Variants in LMO7 observed in about 807,000 individuals in gnomAD.
LMO7 encodes LIM domain only protein 7.
In LMO7, 120 loss-of-function variants were observed where a neutral mutation model predicts 206.5. The ratio of observed to expected loss-of-function variants is 0.58; its 90% confidence interval spans 0.50 to 0.68. LMO7 has a LOEUF of 0.68. Ranked by LOEUF, LMO7 falls within the 30% of genes least tolerant of loss-of-function variation. LMO7 has a pLI of 0.00. For missense variants in LMO7, 1,959 were observed against 1,957.9 expected (o/e 1.00, Z -0.01); for synonymous variants, 706 against 681.5 (o/e 1.04, Z -0.56).
intron 4 of LMO7, among the ~76,000 whole-genome samples, chr13:75,782,511 A>G (rs573062335): frequency 2.4e-4 from 37 of 152,354 alleles, no homozygotes; most frequent in Admixed American, 1.2e-3. Flanking sequence ...GTGTAGGGCA[A>G]TGCTGTATAG....
Position 75,636,536 on chromosome 13 carries a change from G to C in LMO7, c.-122G>C, listed in dbSNP as rs2138934301. ...CTAGAGCCCCGGCGCCTTCGCAGCC[G>C]GAGCGGAAGCCGGAGTTGTGGGAGG... is the stretch of plus-strand genomic sequence containing the variant. On this transcript the variant is annotated 5_prime_UTR_variant, in exon 1 of 31. Coordinates refer to ENST00000377534, the MANE Select transcript of LMO7 (RefSeq NM_001306080.2). 1 of 1,520,688 alleles carries C rather than the reference G, an allele frequency of 6.6e-7. No homozygotes were observed. The highest frequency in any genetic ancestry group is 8.8e-7 in the Non-Finnish European group (1 of 1,141,402). 94.2% of individuals were successfully genotyped at this position (1,520,688 alleles called of 1,614,324 possible).
At chr13:75,784,576 C>T (rs567934000) in intron 4 of LMO7, among the ~76,000 whole-genome samples, 1 of 152,244 alleles carries the variant, frequency 6.6e-6, no homozygotes, top group East Asian at 1.9e-4. Context: ...TATCACACAG[C>T]ACATTTAATA....
intron 1 of LMO7, among the ~76,000 whole-genome samples, chr13:75,678,359 T>C (rs2040202850): frequency 6.6e-6 from 1 of 152,228 alleles, no homozygotes; most frequent in Non-Finnish European, 1.5e-5. Context: ...CGGTATCTCA[T>C]TGTGGTTTTG....
upstream of LMO7, chr13:75,631,611 G>C (rs1353829904): frequency 6.6e-6 from 1 of 152,316 alleles, no homozygotes; most frequent in Non-Finnish European, 1.5e-5. Context: ...AGGGTCTACT[G>C]TAAAGGCCTA....
At chr13:75,649,344 G>T (rs1270975961) in intron 1 of LMO7, among the ~76,000 whole-genome samples, 3 of 152,178 alleles carry the variant, frequency 2.0e-5, no homozygotes, top group African/African-American at 7.2e-5. Flanking sequence ...GAAAGGGGCG[G>T]TGATGGTCAA....
intron 29 of LMO7, among the ~76,000 whole-genome samples, chr13:75,856,111 A>G (rs1194540500): frequency 6.6e-6 from 1 of 152,210 alleles, no homozygotes; most frequent in Non-Finnish European, 1.5e-5. Flanking sequence ...CTAGTGCAGC[A>G]GGGACACTGG....
chr13:75,837,811 C>T (rs886348372), intron 19 of LMO7, among the ~76,000 whole-genome samples: 3 of 152,056 alleles, frequency 2.0e-5, no homozygotes, highest in Non-Finnish European at 4.4e-5. Context: ...TTAACCTAAG[C>T]AAAAAATATT....
At chr13:75,723,205 C>A (rs2044170308) in intron 2 of LMO7, among the ~76,000 whole-genome samples, 1 of 133,374 alleles carries the variant, frequency 7.5e-6, no homozygotes, top group Non-Finnish European at 1.6e-5. Context: ...AAAAAAAACC[C>A]AAAATCATCA....
At chr13:75,654,637 T>G (rs1318920531) in intron 1 of LMO7, among the ~76,000 whole-genome samples, 1 of 152,160 alleles carries the variant, frequency 6.6e-6, no homozygotes, top group East Asian at 1.9e-4. Flanking sequence ...TCTCTTTCCC[T>G]GTGGCCTGTC....
At chr13:75,641,823 T>A (rs1594003348) in intron 1 of LMO7, among the ~76,000 whole-genome samples, 1 of 151,852 alleles carries the variant, frequency 6.6e-6, no homozygotes, top group Middle Eastern at 3.4e-3. Context: ...ACTTTTGTAT[T>A]TCTTTTTTTT....
chr13:75,669,377 C>A (rs1008551446), intron 1 of LMO7, among the ~76,000 whole-genome samples: 1 of 152,050 alleles, frequency 6.6e-6, no homozygotes, highest in Non-Finnish European at 1.5e-5. Context: ...GTGACCCCCC[C>A]GCCGCCCCGC....
rs181195189 is a variant in LMO7 at position 75,833,031 on chromosome 13, G to A, written c.2950-20G>A. 30 of 1,424,256 alleles carry A rather than the reference G, an allele frequency of 2.1e-5. No individual in the cohort carries two copies. The East Asian group carries it at 3.0e-4, about 14-fold the overall frequency. The allele number at this position is 1,424,256 out of a possible 1,614,324, so 88.2% of individuals were successfully genotyped here. On this transcript the variant is annotated intron_variant, in intron 15 of 30. Coordinates refer to ENST00000377534, the MANE Select transcript of LMO7 (RefSeq NM_001306080.2). ...GGTGCCAGGGACACCGGATACCAGC[G>A]TTTCATGTTTTGTTTTCAGGATCAG...
At chr13:75,790,130 G>A (rs922832620) in intron 4 of LMO7, among the ~76,000 whole-genome samples, 1 of 152,054 alleles carries the variant, frequency 6.6e-6, no homozygotes. Flanking sequence ...GTATAACATC[G>A]AAGAGTGCCT....
intron 1 of LMO7, among the ~76,000 whole-genome samples, chr13:75,640,779 C>T (rs963398): frequency 0.99 from 151,218 of 152,360 alleles, 75,052 homozygotes; most frequent in Middle Eastern, 1. Flanking sequence ...CTTCTTCCAG[C>T]AGAAACTTGC....
At chr13:75,621,186 C>G (rs1204550222) in exon 1 of LMO7, 1 of 152,166 alleles carries the variant, frequency 6.6e-6, no homozygotes, top group East Asian at 1.9e-4. Flanking sequence ...AAAGTAGTCT[C>G]AAAGATTGTT....
At chr13:75,850,109 G>T (rs1024558785) in intron 27 of LMO7, among the ~76,000 whole-genome samples, 10 of 152,098 alleles carry the variant, frequency 6.6e-5, no homozygotes, top group African/African-American at 1.4e-4. Flanking sequence ...CGGAGCAAGA[G>T]ACTCTGTATA....
chr13:75,706,932 C>T (rs2042701559), intron 1 of LMO7, among the ~76,000 whole-genome samples: 2 of 151,808 alleles, frequency 1.3e-5, no homozygotes, highest in African/African-American at 2.4e-5. Flanking sequence ...CGTTCTGAGC[C>T]TCGAATTTCA....
chr13:75,818,976 A>G (rs2057322549), intron 12 of LMO7, among the ~76,000 whole-genome samples: 1 of 152,228 alleles, frequency 6.6e-6, no homozygotes, highest in Non-Finnish European at 1.5e-5. Flanking sequence ...GAGACTATGC[A>G]TCTGCGCGTA....
intron 2 of LMO7, among the ~76,000 whole-genome samples, chr13:75,717,595 TA>T (rs1197522069): frequency 6.6e-6 from 1 of 152,014 alleles, no homozygotes; most frequent in Non-Finnish European, 1.5e-5. Context: ...TATATTTTTT[TA>T]TTTTTACAAA....
Sources: allele counts gnomAD v4.1 joint callset (sites outside exome capture counted in the v4.1 genomes callset), GRCh38; gene constraint gnomAD v4.1.1; transcripts MANE v1.5; gene names NCBI Gene and HGNC (gene_info 2026-07-23, HGNC 2026-07-21).